The following ZBTB7C variants were observed in gnomAD, a reference collection of about 807,000 sequenced individuals.
The protein encoded by ZBTB7C is zinc finger and BTB domain containing 7C.
Under a neutral mutation model 25.7 loss-of-function variants are expected in ZBTB7C, and 8 were observed. The ratio of observed to expected loss-of-function variants is 0.31; its 90% CI spans 0.18 to 0.56. The LOEUF is 0.56. Ranked by LOEUF, ZBTB7C falls within the 20% of genes least tolerant of loss-of-function variation. The pLI, the probability that ZBTB7C is intolerant of heterozygous loss-of-function variation, is 0.91. For missense variants in ZBTB7C, 824 were observed against 855.2 expected, an observed-to-expected ratio of 0.96 and a Z score of 0.46; for synonymous variants, 394 against 369.0, an observed-to-expected ratio of 1.07 and a Z score of -0.78.
rs548418310 is a variant in ZBTB7C at position 48,152,986 on chromosome 18, C to T, written c.-17+32948G>A. Among the ~76,000 whole-genome samples, 70 of 152,348 alleles carry T rather than the reference C, an allele frequency of 4.6e-4. 3 individuals carry two copies. In the South Asian group the frequency reaches 0.013, roughly 29 times the overall value. ...GCTGTTGAGTGGAACAATGGGTACC[C>T]GAAGCCAGGCAGGGTGGGTTCCCAG... On this transcript the variant is annotated intron_variant, in intron 3 of 4. Coordinates refer to ENST00000590800, the MANE Select transcript of ZBTB7C (RefSeq NM_001318841.2).
rs568501069 is a variant in ZBTB7C, at chr18:48,132,599, T to C, written c.-17+53335A>G. On this transcript the variant is annotated intron_variant, in intron 3 of 4. Coordinates refer to ENST00000590800, the MANE Select transcript of ZBTB7C (RefSeq NM_001318841.2). ...TTATATCTCAATAAATTTTATTGAC[T>C]GTTTTATTAAGAAAAACAGAAACAA... Among the ~76,000 whole-genome samples, 5 of 152,352 alleles carry C rather than the reference T, an allele frequency of 3.3e-5. No homozygotes were observed. In the East Asian group the frequency reaches 9.6e-4, roughly 29 times the overall value.
At chr18:48,352,764 G>A (rs1277389211) in intron 1 of ZBTB7C, among the ~76,000 whole-genome samples, 1 of 152,106 alleles carries the variant, frequency 6.6e-6, no homozygotes, top group Non-Finnish European at 1.5e-5. Context: ...CAGGACAGAA[G>A]AGATGTGCAA....
At chr18:48,166,414 G>C (rs909095495) in intron 3 of ZBTB7C, among the ~76,000 whole-genome samples, 2 of 152,170 alleles carry the variant, frequency 1.3e-5, no homozygotes, top group African/African-American at 4.8e-5. Context: ...GTTGCCCTTT[G>C]TGTCTGCAGA....
intron 1 of ZBTB7C, among the ~76,000 whole-genome samples, chr18:48,399,416 G>C (rs896193438): frequency 6.6e-6 from 1 of 152,210 alleles, no homozygotes; most frequent in Admixed American, 6.5e-5. Flanking sequence ...ATCTGCTTTA[G>C]GAAAACATAA....
At chr18:48,316,825 G>A (rs753399168) in intron 2 of ZBTB7C, among the ~76,000 whole-genome samples, 1 of 152,222 alleles carries the variant, frequency 6.6e-6, no homozygotes, top group Non-Finnish European at 1.5e-5. Flanking sequence ...AGGAGGCAAT[G>A]AAGAGACCTC....
upstream of ZBTB7C, among the ~76,000 whole-genome samples, chr18:48,410,228 C>G (rs946214307): frequency 2.0e-5 from 3 of 152,202 alleles, no homozygotes; most frequent in East Asian, 5.9e-4. Context: ...GCAAGCTTGC[C>G]GCACCCCGGG....
At chr18:48,091,162 C>T (rs2038396583) in intron 3 of ZBTB7C, among the ~76,000 whole-genome samples, 1 of 150,840 alleles carries the variant, frequency 6.6e-6, no homozygotes, top group Admixed American at 6.6e-5. Context: ...CAGCCTCAAA[C>T]TCCTGGGCTC....
intron 2 of ZBTB7C, among the ~76,000 whole-genome samples, chr18:48,279,147 T>TC: frequency 6.6e-6 from 1 of 151,758 alleles, no homozygotes; most frequent in Non-Finnish European, 1.5e-5. Context: ...ATGGAGACGG[T>TC]CCCCCCGGCA....
At chr18:48,289,558 ATATT>A (rs1191298570) in intron 2 of ZBTB7C, among the ~76,000 whole-genome samples, 1 of 118,170 alleles carries the variant, frequency 8.5e-6, no homozygotes, top group Non-Finnish European at 1.8e-5. Flanking sequence ...CATTCAATAT[ATATT>A]TATTATAATA....
chr18:48,147,111 CTT>C (rs2040517796), intron 3 of ZBTB7C, among the ~76,000 whole-genome samples: 2 of 152,288 alleles, frequency 1.3e-5, no homozygotes, highest in South Asian at 4.2e-4. Flanking sequence ...CAGTCTCACT[CTT>C]GTCACCCAGG....
At chr18:48,286,676 T>C (rs2045065010) in intron 2 of ZBTB7C, among the ~76,000 whole-genome samples, 1 of 152,192 alleles carries the variant, frequency 6.6e-6, no homozygotes, top group Non-Finnish European at 1.5e-5. Flanking sequence ...CAAGGATATG[T>C]TTTAAATTTT....
At chr18:48,286,996 A>AAAAC (rs576085821) in intron 2 of ZBTB7C, among the ~76,000 whole-genome samples, 174 of 152,134 alleles carry the variant, frequency 1.1e-3, no homozygotes, top group Non-Finnish European at 1.7e-3. Context: ...GGTTGCAGGA[A>AAAAC]AAACAAACAA....
intron 3 of ZBTB7C, among the ~76,000 whole-genome samples, chr18:48,132,879 T>A (rs2040029848): frequency 6.6e-6 from 1 of 152,216 alleles, no homozygotes. Context: ...ACAACGCATA[T>A]GTGTAGGCAG....
intron 3 of ZBTB7C, among the ~76,000 whole-genome samples, chr18:48,060,395 T>C (rs2037083122): frequency 6.6e-6 from 1 of 152,054 alleles, no homozygotes; most frequent in Admixed American, 6.5e-5. Context: ...TCCCAAACCT[T>C]GGCTGAGACT....
At chr18:48,352,871 G>C (rs1373819430) in intron 1 of ZBTB7C, among the ~76,000 whole-genome samples, 2 of 152,048 alleles carry the variant, frequency 1.3e-5, no homozygotes, top group Non-Finnish European at 2.9e-5. Flanking sequence ...GGAGGGCTGG[G>C]ACCCAAGTTA....
At chr18:48,359,022 G>C (rs1321131621) in intron 1 of ZBTB7C, among the ~76,000 whole-genome samples, 1 of 152,170 alleles carries the variant, frequency 6.6e-6, no homozygotes, top group African/African-American at 2.4e-5. Flanking sequence ...TGTCCTGTGA[G>C]CTCTGGAGGG....
chr18:48,073,412 C>T (rs1040051843), intron 3 of ZBTB7C, among the ~76,000 whole-genome samples: 16 of 150,314 alleles, frequency 1.1e-4, no homozygotes, highest in Non-Finnish European at 1.0e-4. Flanking sequence ...GTCACCCTGG[C>T]GGGGAGGGCG....
chr18:48,030,681 C>A (rs1234160401), intron 4 of ZBTB7C, among the ~76,000 whole-genome samples: 3 of 152,218 alleles, frequency 2.0e-5, no homozygotes, highest in Non-Finnish European at 4.4e-5. Flanking sequence ...GCGCCAGCTG[C>A]AGACCCACCA....
At chr18:48,345,634 T>C (rs953847482) in intron 1 of ZBTB7C, among the ~76,000 whole-genome samples, 1 of 152,224 alleles carries the variant, frequency 6.6e-6, no homozygotes. Flanking sequence ...CTCTTCAGCA[T>C]GCTCCTTGGC....
Sources: gnomAD v4.1 joint callset for allele counts (sites outside exome capture counted in the v4.1 genomes callset) on GRCh38, gnomAD v4.1.1 for gene constraint, MANE v1.5 for transcripts, NCBI Gene and HGNC (gene_info 2026-07-23, HGNC 2026-07-21) for gene names.